Variants in GALR1 observed in about 807,000 individuals in gnomAD.
GALR1 encodes the protein galanin receptor type 1.
A neutral mutation model predicts 17.9 loss-of-function variants in GALR1; 11 were observed. The observed-to-expected ratio is 0.62, with a 90% confidence interval of 0.39 to 1.02. The LOEUF (loss-of-function observed/expected upper bound fraction) is 1.02, where lower values mean the gene tolerates loss of function less well. Among genes scored for constraint, GALR1 ranks in the 50% least tolerant of loss-of-function variants. The pLI is 0.01. For missense variants in GALR1, 441 were observed against 456.9 expected, an observed-to-expected ratio of 0.97 and a Z score of 0.32; for synonymous variants, 206 against 205.7, an observed-to-expected ratio of 1.00 and a Z score of -0.01.
intron 2 of GALR1, among the ~76,000 whole-genome samples, chr18:77,267,359 C>T (rs1912965650): frequency 6.6e-6 from 1 of 152,230 alleles, no homozygotes; most frequent in Admixed American, 6.5e-5. Context: ...CCAGCCCCAC[C>T]TTTGCATTCA....
intron 2 of GALR1, among the ~76,000 whole-genome samples, chr18:77,260,247 C>G (rs1912800550): frequency 6.6e-6 from 1 of 152,198 alleles, no homozygotes; most frequent in Non-Finnish European, 1.5e-5. Flanking sequence ...TAGATGGCCC[C>G]TTCTCTCTGT....
At chr18:77,262,064 G>A (rs1210026101) in intron 2 of GALR1, among the ~76,000 whole-genome samples, 1 of 152,096 alleles carries the variant, frequency 6.6e-6, no homozygotes, top group Non-Finnish European at 1.5e-5. Context: ...CTGACCTCAA[G>A]CGATCCTCCT....
intron 1 of GALR1, among the ~76,000 whole-genome samples, chr18:77,252,983 CCACCAT>C (rs1568139224): frequency 1.8e-3 from 97 of 53,642 alleles, no homozygotes; most frequent in Middle Eastern, 9.6e-3. Flanking sequence ...ACCACCATCA[CCACCAT>C]CACCACCACC....
Position 77,258,570 on chromosome 18 carries a change from G to A in GALR1, c.732+2347G>A, listed in dbSNP as rs1190249805. Among the ~76,000 whole-genome samples, 387 of 145,704 alleles carry A rather than the reference G, an allele frequency of 2.7e-3. 2 individuals are homozygous for A. Among genetic ancestry groups the A allele is most frequent in the Non-Finnish European group, 4.6e-3 (305 of 66,124 alleles). On this transcript the variant is annotated intron_variant, in intron 2 of 2. Coordinates refer to ENST00000299727, the MANE Select transcript of GALR1 (RefSeq NM_001480.4). Reference sequence around the variant, plus strand: ...GGTGATGGTGGTGGTCATAGTGGGGGTGGTGGTGGTCATGGTGGTGATGGT... The same window carrying A: ...GGTGATGGTGGTGGTCATAGTGGGGATGGTGGTGGTCATGGTGGTGATGGT...
intron 1 of GALR1, among the ~76,000 whole-genome samples, chr18:77,251,495 C>T (rs1252448519): frequency 6.6e-6 from 1 of 152,254 alleles, no homozygotes; most frequent in African/African-American, 2.4e-5. Context: ...TTCTCCTCCC[C>T]TCCCCTTCCT....
rs1330773354 is a variant in GALR1 at position 77,273,994 on chromosome 18, G to A, written c.*5092G>A. The A allele has an allele frequency of 6.6e-6, 1 of 152,120 alleles. No individual in the cohort carries two copies. The highest frequency in any genetic ancestry group is 1.5e-5 in the Non-Finnish European group (1 of 68,044). The allele number at this position is 152,120 out of a possible 1,614,324, so 9.4% of individuals were successfully genotyped here. The stretch of plus-strand genomic sequence containing the variant: ...ACTCTCAGGTAGTGGTGATCGTTAT[G>A]GTAACCCATGAACTCGGATGAATTT... On this transcript the variant is annotated 3_prime_UTR_variant, in exon 3 of 3. Transcript: ENST00000299727.
At chr18:77,268,172 A>G (rs1343716251) in intron 2 of GALR1, among the ~76,000 whole-genome samples, 1 of 152,126 alleles carries the variant, frequency 6.6e-6, no homozygotes, top group Non-Finnish European at 1.5e-5. Flanking sequence ...TTTGGAGCAA[A>G]GTCCAGCGCT....
rs779669315 is a variant in GALR1 at position 77,268,953 on chromosome 18, A to G, written c.*51A>G. Reference sequence around the variant, plus strand: ...GAGTTTCCATATAAGTGGACCAGACACAGAAACAAACAGAATGAGCTAGTA... The same window carrying G: ...GAGTTTCCATATAAGTGGACCAGACGCAGAAACAAACAGAATGAGCTAGTA... On this transcript the variant is annotated 3_prime_UTR_variant, in exon 3 of 3. Coordinates refer to ENST00000299727, the MANE Select transcript of GALR1 (RefSeq NM_001480.4). 3 of 1,288,704 alleles carry G rather than the reference A, an allele frequency of 2.3e-6. No homozygotes were observed. Among genetic ancestry groups the G allele is most frequent in the Non-Finnish European group, 3.3e-6 (3 of 907,592 alleles). 79.8% of individuals were successfully genotyped at this position (1,288,704 alleles called of 1,614,324 possible).
intron 1 of GALR1, among the ~76,000 whole-genome samples, chr18:77,252,896 T>TCACCACCACCATCACCACCACCACCAC (rs1912465901): frequency 1.3e-5 from 1 of 78,214 alleles, no homozygotes; most frequent in African/African-American, 5.1e-5. Context: ...ACCACCACCA[T>TCACCACCACCATCACCACCACCACCAC]CACCACCACC....
chr18:77,266,912 T>G (rs1490114390), intron 2 of GALR1, among the ~76,000 whole-genome samples: 3 of 152,180 alleles, frequency 2.0e-5, no homozygotes, highest in Non-Finnish European at 4.4e-5. Flanking sequence ...CCAAACCATA[T>G]CAGTGGGATT....
In GALR1 at chr18:77,272,269, T is replaced by C. The variant is rs778610522; in HGVS notation, c.*3367T>C. On this transcript the variant is annotated 3_prime_UTR_variant, in exon 3 of 3. Transcript: ENST00000299727. ...TCTTGTGGCTCAACTCGAAATCATA[T>C]TGCATTCCTGCATTCTCCCAGATGC... 6.6e-6 allele frequency: 1 copy of C among 152,242 alleles called. No homozygotes were observed. Among genetic ancestry groups the C allele is most frequent in the Non-Finnish European group, 1.5e-5 (1 of 68,044 alleles). 9.4% of individuals were successfully genotyped at this position (152,242 alleles called of 1,614,324 possible).
chr18:77,250,402 C>T lies in GALR1; in HGVS notation c.-147C>T, dbSNP rs1484916525. 22 of 864,122 alleles carry T rather than the reference C, an allele frequency of 2.5e-5. No homozygotes were observed. Among genetic ancestry groups the T allele is most frequent in the Non-Finnish European group, 3.1e-5 (19 of 614,550 alleles). The allele number at this position is 864,122 out of a possible 1,614,324, so 53.5% of individuals were successfully genotyped here. A position where few individuals can be genotyped will look rare whatever the true frequency, so the allele number is the denominator to read the frequency against. ...AGGCACGGCCACCGGATCCCCGCTC[C>T]CGCTGGCTCGCGCCTCGGGGGAAGC... On this transcript the variant is annotated 5_prime_UTR_variant, in exon 1 of 3. Transcript: ENST00000299727.
At chr18:77,255,950 AGCCTTCCTG>A (rs935431629) in intron 1 of GALR1, among the ~76,000 whole-genome samples, 199 bp from the exon 2 acceptor site, 1 of 152,220 alleles carries the variant, frequency 6.6e-6, no homozygotes, top group African/African-American at 2.4e-5. Flanking sequence ...GCTGTGCATC[AGCCTTCCTG>A]GCTGCTCCTA....
intron 2 of GALR1, among the ~76,000 whole-genome samples, chr18:77,262,245 G>A (rs1912847829): frequency 6.6e-6 from 1 of 151,878 alleles, no homozygotes; most frequent in Non-Finnish European, 1.5e-5. Context: ...GCTTTGCACT[G>A]GTTGAGGATG....
rs867396566 is a variant in GALR1 at position 77,252,884 on chromosome 18, C to T, written c.666+1670C>T. On this transcript the variant is annotated intron_variant, in intron 1 of 2. Coordinates refer to ENST00000299727, the MANE Select transcript of GALR1 (RefSeq NM_001480.4). ...ACCACCACCACCACCACCACCATCA[C>T]CACCACCACCATCACCACCACCACC... 1.6e-3 allele frequency among the ~76,000 whole-genome samples: 134 copies of T among 82,222 alleles called. No individual in the cohort carries two copies. In the East Asian group the frequency reaches 0.017, roughly 11 times the overall value. 53.9% of individuals were successfully genotyped at this position (82,222 alleles called of 152,430 possible). A position where few individuals can be genotyped will look rare whatever the true frequency, so the allele number is the denominator to read the frequency against.
intron 2 of GALR1, among the ~76,000 whole-genome samples, chr18:77,258,911 A>C (rs1233508871): frequency 9.9e-5 from 7 of 70,820 alleles, no homozygotes; most frequent in East Asian, 5.4e-4. Context: ...GGTGGGCGGT[A>C]GTGGTGGTGA....
rs1913055960 is a variant in GALR1, at chr18:77,271,246, A to AACCCCCC, written c.*2344_*2345insACCCCCC. 3.8e-5 allele frequency: 3 copies of AACCCCCC among 77,952 alleles called. No homozygotes were observed. Among genetic ancestry groups the AACCCCCC allele is most frequent in the Admixed American group, 1.3e-4 (1 of 7,766 alleles). The allele number at this position is 77,952 out of a possible 1,614,324, so 4.8% of individuals were successfully genotyped here. On this transcript the variant is annotated 3_prime_UTR_variant, in exon 3 of 3. Transcript: ENST00000299727. ...CAAAAAGTAATAGCTTGCGCTTGAA[A>AACCCCCC]CCCCCCCCCCCCCGCCACTTTGCTA...
At chr18:77,252,998 CCACCACCACCACCACCACCACCACCAT>C (rs1912499897) in intron 1 of GALR1, among the ~76,000 whole-genome samples, 4 of 56,018 alleles carry the variant, frequency 7.1e-5, no homozygotes, top group South Asian at 6.8e-4. Flanking sequence ...ATCACCACCA[CCACCACCACCACCACCACCACCACCAT>C]CACCACCATC....
At chr18:77,256,523 A>ACAGAGAGCAGAGTGCAGAGTG (rs1912595232) in intron 2 of GALR1, among the ~76,000 whole-genome samples, 1 of 150,820 alleles carries the variant, frequency 6.6e-6, no homozygotes, top group African/African-American at 2.4e-5. Context: ...GTTGACTGAG[A>ACAGAGAGCAGAGTGCAGAGTG]CAGAGTGCAG....
Sources: gnomAD v4.1 joint callset for allele counts (sites outside exome capture counted in the v4.1 genomes callset) on GRCh38, gnomAD v4.1.1 for gene constraint, MANE v1.5 for transcripts, NCBI Gene and HGNC (gene_info 2026-07-23, HGNC 2026-07-21) for gene names.